FSTL5: variants seen among roughly 807,000 people sequenced by gnomAD.
The protein encoded by FSTL5 is follistatin-related protein 5.
In FSTL5, 62 loss-of-function variants were observed where a neutral mutation model predicts 89.1. The ratio of observed to expected loss-of-function variants is 0.70; its 90% CI spans 0.57 to 0.86. FSTL5 has a LOEUF of 0.86. Among genes scored for constraint, FSTL5 ranks in the 40% least tolerant of loss-of-function variants. FSTL5 has a pLI of 0.00. For missense variants in FSTL5, 1,057 were observed against 1,001.6 expected (o/e 1.06, Z -0.75); for synonymous variants, 383 against 346.2 (o/e 1.11, Z -1.18).
chr4:161,632,926 C>T (rs1735551003), intron 7 of FSTL5, among the ~76,000 whole-genome samples: 1 of 152,054 alleles, frequency 6.6e-6, no homozygotes, highest in Non-Finnish European at 1.5e-5. Flanking sequence ...CTATCTACCT[C>T]GTTTTATTCT....
intron 2 of FSTL5, among the ~76,000 whole-genome samples, chr4:162,088,048 T>C (rs1043897153): frequency 1.3e-5 from 2 of 152,120 alleles, no homozygotes; most frequent in Non-Finnish European, 2.9e-5. Context: ...CTTCAAGACA[T>C]GAGTAGCACT....
At chr4:161,491,152 T>C (rs942619442) in intron 12 of FSTL5, among the ~76,000 whole-genome samples, 1 of 151,998 alleles carries the variant, frequency 6.6e-6, no homozygotes. Context: ...TTATCCATTT[T>C]AGGAAAATTT....
At chr4:161,911,374 AC>A (rs1488615752) in intron 4 of FSTL5, among the ~76,000 whole-genome samples, 1 of 152,144 alleles carries the variant, frequency 6.6e-6, no homozygotes, top group East Asian at 1.9e-4. Context: ...CATATTGAAG[AC>A]TTTATTTCAT....
chr4:161,618,667 A>C (rs1343588916), intron 7 of FSTL5, among the ~76,000 whole-genome samples: 2 of 152,110 alleles, frequency 1.3e-5, no homozygotes, highest in Non-Finnish European at 2.9e-5. Flanking sequence ...TATCCCAGGG[A>C]TGAAGCCCAC....
chr4:161,953,132 G>C (rs1030794704), intron 3 of FSTL5, among the ~76,000 whole-genome samples: 31 of 151,542 alleles, frequency 2.0e-4, no homozygotes, highest in Non-Finnish European at 3.0e-5. Context: ...GTTATCTCAG[G>C]CAATCTAAGT....
intron 15 of FSTL5, among the ~76,000 whole-genome samples, chr4:161,431,468 CAG>C (rs761173774): frequency 1.3e-5 from 2 of 148,162 alleles, no homozygotes; most frequent in African/African-American, 2.5e-5. Context: ...AACAGATAAA[CAG>C]AACGTAAAAA....
intron 7 of FSTL5, among the ~76,000 whole-genome samples, chr4:161,634,169 C>A (rs1369731069): frequency 2.0e-5 from 3 of 152,156 alleles, no homozygotes; most frequent in African/African-American, 7.2e-5. Flanking sequence ...AGCTTTGTCA[C>A]CCATTTGTTC....
chr4:161,422,877 A>G (rs77794752), intron 15 of FSTL5, among the ~76,000 whole-genome samples: 58 of 152,330 alleles, frequency 3.8e-4, no homozygotes, highest in African/African-American at 1.3e-3. Context: ...ATACAACCCA[A>G]TCACAGCTTC....
chr4:162,096,369 A>C (rs754199658), intron 2 of FSTL5, among the ~76,000 whole-genome samples: 6 of 150,618 alleles, frequency 4.0e-5, no homozygotes, highest in Non-Finnish European at 5.9e-5. Context: ...CCTCCAACAA[A>C]ATTTATGTCA....
At chr4:161,982,902 A>G (rs1334034332) in intron 3 of FSTL5, among the ~76,000 whole-genome samples, 1 of 152,166 alleles carries the variant, frequency 6.6e-6, no homozygotes, top group African/African-American at 2.4e-5. Context: ...ATACAATTGA[A>G]CTTAATGACC....
At chr4:161,875,097 CT>C (rs1409175082) in intron 4 of FSTL5, among the ~76,000 whole-genome samples, 4 of 151,936 alleles carry the variant, frequency 2.6e-5, no homozygotes, top group African/African-American at 9.7e-5. Flanking sequence ...TACTTTTTCC[CT>C]TGTCTTGTTT....
At chr4:161,833,465 A>G (rs1346866006) in intron 4 of FSTL5, among the ~76,000 whole-genome samples, 2 of 88,272 alleles carry the variant, frequency 2.3e-5, no homozygotes, top group Non-Finnish European at 5.2e-5. Flanking sequence ...TGATCTGTCT[A>G]ATGTTGACAG....
intron 3 of FSTL5, among the ~76,000 whole-genome samples, chr4:161,922,647 C>T (rs928463705): frequency 6.6e-6 from 1 of 151,778 alleles, no homozygotes; most frequent in African/African-American, 2.4e-5. Context: ...AACTTTAGGG[C>T]ACTGACTTAC....
chr4:161,652,446 A>T (rs1736374341), intron 7 of FSTL5, among the ~76,000 whole-genome samples: 1 of 152,040 alleles, frequency 6.6e-6, no homozygotes, highest in Non-Finnish European at 1.5e-5. Context: ...ACAAACAAAC[A>T]AGCAAACAAA....
At chr4:161,830,170 G>A (rs1160089985) in intron 4 of FSTL5, among the ~76,000 whole-genome samples, 1 of 151,894 alleles carries the variant, frequency 6.6e-6, no homozygotes, top group Admixed American at 6.6e-5. Flanking sequence ...CTTCACTTAT[G>A]GTATACAAAA....
intron 8 of FSTL5, among the ~76,000 whole-genome samples, chr4:161,570,329 G>A (rs560920590): frequency 4.6e-5 from 7 of 152,252 alleles, no homozygotes; most frequent in Admixed American, 1.3e-4. Context: ...GAGATCTGGC[G>A]AAGAATCTTC....
intron 4 of FSTL5, among the ~76,000 whole-genome samples, chr4:161,785,525 T>C (rs933751223): frequency 2.0e-5 from 3 of 152,182 alleles, no homozygotes; most frequent in African/African-American, 7.2e-5. Context: ...ATATAACTTA[T>C]AGCTTCAAAA....
At chr4:162,123,502 G>C (rs1042643176) in intron 1 of FSTL5, among the ~76,000 whole-genome samples, 1 of 152,068 alleles carries the variant, frequency 6.6e-6, no homozygotes, top group African/African-American at 2.4e-5. Flanking sequence ...AAGTTTCTCA[G>C]AATCAAAGTC....
chr4:162,042,138 A>T (rs1204127570), intron 2 of FSTL5: 1 of 151,874 alleles, frequency 6.6e-6, no homozygotes, highest in African/African-American at 2.4e-5. Context: ...CAATAAGAGC[A>T]AAACTTCATC....
Sources: gnomAD v4.1 joint callset for allele counts (sites outside exome capture counted in the v4.1 genomes callset) on GRCh38, gnomAD v4.1.1 for gene constraint, MANE v1.5 for transcripts, NCBI Gene and HGNC (gene_info 2026-07-23, HGNC 2026-07-21) for gene names.